Variants in CLVS1 observed in about 807,000 individuals in gnomAD.
The protein encoded by CLVS1 is clavesin-1.
Under a neutral mutation model 33.1 loss-of-function variants are expected in CLVS1, and 10 were observed. That is an observed-to-expected ratio of 0.30 (90% CI 0.19 to 0.51). The LOEUF (loss-of-function observed/expected upper bound fraction) is 0.51, where lower values mean the gene tolerates loss of function less well. Ranked by LOEUF, CLVS1 falls within the 20% of genes least tolerant of loss-of-function variation. The pLI is 0.97. For synonymous variants in CLVS1, 163 were observed against 166.1 expected (o/e 0.98, Z 0.14); for missense variants, 343 against 433.4 (o/e 0.79, Z 1.85).
intron 3 of CLVS1, among the ~76,000 whole-genome samples, chr8:61,446,338 A>G (rs1299016682): frequency 6.6e-6 from 1 of 152,158 alleles, no homozygotes; most frequent in Non-Finnish European, 1.5e-5. Flanking sequence ...GTGTCCCACA[A>G]ATTTTGATAT....
chr8:61,277,468 T>C (rs1160699070), intron 2 of CLVS1, among the ~76,000 whole-genome samples: 1 of 152,086 alleles, frequency 6.6e-6, no homozygotes, highest in East Asian at 1.9e-4. Flanking sequence ...CCCCCAGTAA[T>C]GCAGGACAAA....
intron 2 of CLVS1, among the ~76,000 whole-genome samples, chr8:61,301,541 T>C (rs1297301119): frequency 6.6e-6 from 1 of 152,214 alleles, no homozygotes; most frequent in Non-Finnish European, 1.5e-5. Flanking sequence ...TAGCTAACAT[T>C]TTGAATATTA....
At chr8:61,431,356 T>C (rs1485679385) in intron 3 of CLVS1, among the ~76,000 whole-genome samples, 1 of 152,270 alleles carries the variant, frequency 6.6e-6, no homozygotes, top group Non-Finnish European at 1.5e-5. Flanking sequence ...CATATCCCTT[T>C]GTCTCCCAAG....
chr8:61,113,051 G>A (rs886505026), intron 1 of CLVS1, among the ~76,000 whole-genome samples: 2 of 152,090 alleles, frequency 1.3e-5, no homozygotes, highest in African/African-American at 2.4e-5. Flanking sequence ...GGAAACTGTG[G>A]GACAGGAGGC....
At chr8:61,437,740 C>T (rs1341545920) in intron 3 of CLVS1, among the ~76,000 whole-genome samples, 1 of 152,192 alleles carries the variant, frequency 6.6e-6, no homozygotes, top group African/African-American at 2.4e-5. Flanking sequence ...AAGTCAAACA[C>T]ATGCAGCTGA....
At chr8:61,307,159 G>C (rs2129595185) in intron 2 of CLVS1, among the ~76,000 whole-genome samples, 1 of 152,180 alleles carries the variant, frequency 6.6e-6, no homozygotes, top group African/African-American at 2.4e-5. Context: ...ACCTTGATGG[G>C]GAAAAAACAG....
intron 5 of CLVS1, among the ~76,000 whole-genome samples, chr8:61,485,718 GGATT>G (rs1803854594): frequency 6.6e-6 from 1 of 152,198 alleles, no homozygotes; most frequent in East Asian, 1.9e-4. Flanking sequence ...ATGATAGATT[GGATT>G]AAGAAAATGT....
the CLVS1 span, among the ~76,000 whole-genome samples, chr8:61,006,605 A>C: frequency 6.6e-6 from 1 of 152,244 alleles, no homozygotes; most frequent in Non-Finnish European, 1.5e-5. Flanking sequence ...TAGAAGGCAG[A>C]AATGCTAACG....
chr8:61,441,109 G>A (rs935536848), intron 3 of CLVS1, among the ~76,000 whole-genome samples: 3 of 152,110 alleles, frequency 2.0e-5, no homozygotes, highest in African/African-American at 4.8e-5. Context: ...CTTTTGCATC[G>A]ATGAAACCCA....
At chr8:61,224,626 C>T (rs1176042994) in intron 2 of CLVS1, among the ~76,000 whole-genome samples, 2 of 152,184 alleles carry the variant, frequency 1.3e-5, no homozygotes, top group African/African-American at 4.8e-5. Context: ...CTGACAACCC[C>T]TGTTGGGGGG....
chr8:61,180,710 A>C (rs76293855), intron 2 of CLVS1, among the ~76,000 whole-genome samples: 8,584 of 152,332 alleles, frequency 0.056, 284 homozygotes, highest in African/African-American at 0.079. Context: ...AACGTAATCC[A>C]TCACATAAAC....
At chr8:61,207,742 G>C (rs1382541717) in intron 2 of CLVS1, among the ~76,000 whole-genome samples, 1 of 152,120 alleles carries the variant, frequency 6.6e-6, no homozygotes, top group Non-Finnish European at 1.5e-5. Flanking sequence ...TAATGTAGTT[G>C]GTTGGTAATT....
chr8:61,255,969 C>T (rs1809071403), intron 2 of CLVS1, among the ~76,000 whole-genome samples: 1 of 151,996 alleles, frequency 6.6e-6, no homozygotes, highest in Non-Finnish European at 1.5e-5. Context: ...ATATATATAA[C>T]ATAAGATTTA....
chr8:61,076,491 A>AT (rs1179670891), intron 1 of CLVS1, among the ~76,000 whole-genome samples: 1 of 152,188 alleles, frequency 6.6e-6, no homozygotes, highest in Non-Finnish European at 1.5e-5. Context: ...TATCTAACAT[A>AT]TCAGGGAGTG....
At chr8:61,027,168 G>A in the CLVS1 span, among the ~76,000 whole-genome samples, 1 of 152,096 alleles carries the variant, frequency 6.6e-6, no homozygotes, top group South Asian at 2.1e-4. Context: ...TGAACATGAT[G>A]GATCATATAC....
intron 1 of CLVS1, among the ~76,000 whole-genome samples, chr8:61,119,517 T>C (rs1805812399): frequency 6.7e-6 from 1 of 149,166 alleles, no homozygotes; most frequent in Admixed American, 6.6e-5. Flanking sequence ...GTACTGGTTG[T>C]TCCTTTCCAT....
At chr8:61,486,396 TTTG>T (rs1184332181) in intron 5 of CLVS1, among the ~76,000 whole-genome samples, 59 of 152,324 alleles carry the variant, frequency 3.9e-4, no homozygotes, top group African/African-American at 1.3e-3. Flanking sequence ...CTAGTTAGTC[TTTG>T]GTGTTTGACT....
chr8:61,158,874 T>C (rs904812297), intron 2 of CLVS1, among the ~76,000 whole-genome samples: 2 of 152,200 alleles, frequency 1.3e-5, no homozygotes, highest in Non-Finnish European at 2.9e-5. Flanking sequence ...GGTCTTGCTG[T>C]ATTGCCAGGT....
At chr8:61,087,423 T>G (rs756787815) in intron 1 of CLVS1, among the ~76,000 whole-genome samples, 3 of 152,228 alleles carry the variant, frequency 2.0e-5, no homozygotes, top group Non-Finnish European at 2.9e-5. Flanking sequence ...AATCAGCTTA[T>G]GATTTTCTCC....
Sources: allele counts gnomAD v4.1 joint callset (sites outside exome capture counted in the v4.1 genomes callset), GRCh38; gene constraint gnomAD v4.1.1; transcripts MANE v1.5; gene names NCBI Gene and HGNC (gene_info 2026-07-23, HGNC 2026-07-21).